MEFV: variants seen among roughly 807,000 people sequenced by gnomAD.
MEFV encodes MEFV innate immunity regulator, pyrin.
Under a neutral mutation model 62.5 loss-of-function variants are expected in MEFV, and 60 were observed. That is an observed-to-expected ratio of 0.96 (90% CI 0.78 to 1.19). The LOEUF is 1.19. MEFV is among the 50% of genes most tolerant of loss of function. The pLI is 0.00. For missense variants in MEFV, 1,169 were observed against 1,004.5 expected, an observed-to-expected ratio of 1.16 and a Z score of -2.21; for synonymous variants, 500 against 415.2, an observed-to-expected ratio of 1.20 and a Z score of -2.48.
intron 2 of MEFV, 75 bp from the exon 3 acceptor site, chr16:3,249,855 C>G (rs888325750): frequency 6.7e-6 from 8 of 1,196,686 alleles, no homozygotes; most frequent in Admixed American, 5.8e-5. Context: ...CAAAGCACAG[C>G]GGACACAGCC....
In MEFV at chr16:3,243,338, G is replaced by T. The variant is rs104895192; in HGVS notation, c.2149C>A (p.Arg717Ser). ...CTGTAGTCCACGAAGATGCCCACAC[G>T]CTTGGGAGGCTCCTTTATTAGCAGG... ...TRLLIKEPPK[R>S]VGIFVDYRVG... The change falls in exon 10 of 10, where the codon CGT (arginine) becomes AGT (serine). Residue 717 changes from arginine (R) to serine (S), a missense_variant. Coordinates refer to ENST00000219596, the MANE Select transcript of MEFV (RefSeq NM_000243.3). The T allele has an allele frequency of 4.3e-6, 7 of 1,614,064 alleles. No homozygotes were observed. Among genetic ancestry groups the T allele is most frequent in the South Asian group, 1.1e-5 (1 of 91,094 alleles).
rs61732424 is a variant in MEFV, at chr16:3,247,136, C to T, written c.1467G>A (p.Gln489=). Residue 489 remains glutamine (Q), a synonymous_variant, in exon 5 of 10, where the codon CAG becomes CAA. Coordinates refer to ENST00000219596, the MANE Select transcript of MEFV (RefSeq NM_000243.3). The stretch of plus-strand genomic sequence containing the variant: ...ATGCCTTCCTGATCTGCCCAACCAT[C>T]TGGCCCACGTCCTCCAGTGAGGCCA... ...FFVASLEDVG[Q]MVGQIRKAYD... is the part of the protein sequence containing the mutation. 5,935 of 1,614,236 alleles carry T rather than the reference C, an allele frequency of 3.7e-3. 17 individuals carry two copies. The highest frequency in any genetic ancestry group is 4.1e-3 in the Non-Finnish European group (4,800 of 1,180,030).
At position 3,243,845 on chromosome 16, in the gene MEFV, G is replaced by T. The variant is rs372198293; in HGVS notation, c.1792+15C>A. On this transcript the variant is annotated intron_variant, in intron 9 of 9. Coordinates refer to ENST00000219596, the MANE Select transcript of MEFV (RefSeq NM_000243.3). ...CCAGCAGGCCAGGGCCACTTGCCTT[G>T]ATCTGGGCACTTACCAGCATGTGCC... 2.5e-6 allele frequency: 4 copies of T among 1,613,526 alleles called. No individual in the cohort carries two copies. In the African/African-American group the frequency reaches 5.3e-5, roughly 22 times the overall value.
Position 3,243,364 on chromosome 16 carries a change from C to T in MEFV, c.2123G>A (p.Arg708His), listed in dbSNP as rs200375017. ...CTTGGGAGGCTCCTTTATTAGCAGG[C>T]GGGTCGGGGGAACGCTGGACGCCTG... ...EYQASSVPPTRLLIKEPPKRV... is the reference protein window; with the variant it reads ...EYQASSVPPTHLLIKEPPKRV... The change falls in exon 10 of 10, where the codon CGC becomes CAC. Residue 708 changes from arginine (R) to histidine (H), a missense_variant. Physicochemically the swap from Arg to His is conservative, Grantham distance 29. Transcript: ENST00000219596. The T allele has an allele frequency of 2.5e-5, 40 of 1,614,136 alleles. No homozygotes were observed. Among genetic ancestry groups the T allele is most frequent in the East Asian group, 4.5e-5 (2 of 44,878 alleles).
chr16:3,256,522 C>G lies in MEFV; in HGVS notation c.66G>C (p.Glu22Asp). 1 of 1,614,214 alleles carries G rather than the reference C, an allele frequency of 6.2e-7. No individual in the cohort carries two copies. The highest frequency in any genetic ancestry group is 1.3e-5 in the African/African-American group (1 of 75,054). ...TGTTCTGCAGCTTGAACTTGAACTT[C>G]TCGAAGTCATAGGGCACCAGCTCCT... ...TLEELVPYDFEKFKFKLQNTS... is the reference protein window; with the variant it reads ...TLEELVPYDFDKFKFKLQNTS... The change falls in exon 1 of 10, where the codon GAG becomes GAC. Residue 22 changes from glutamate (E) to aspartate (D), a missense_variant. Coordinates refer to ENST00000219596, the MANE Select transcript of MEFV (RefSeq NM_000243.3).
intron 2 of MEFV, among the ~76,000 whole-genome samples, chr16:3,252,355 C>A (rs941750740): frequency 2.6e-5 from 4 of 151,088 alleles, no homozygotes; most frequent in Non-Finnish European, 5.9e-5. Flanking sequence ...CTCACTGCAA[C>A]CTCTGCCTCC....
intron 6 of MEFV, among the ~76,000 whole-genome samples, chr16:3,244,942 C>T (rs1481545880): frequency 7.2e-5 from 11 of 152,094 alleles, no homozygotes; most frequent in Admixed American, 5.2e-4. Context: ...ACACACACAA[C>T]AAAATATCCC....
rs775755423 is a variant in MEFV, at chr16:3,254,504, G to A, written c.564C>T (p.Pro188=). The change falls in exon 2 of 10, where the codon CCC becomes CCT. Residue 188 remains proline (P), a synonymous_variant. Coordinates refer to ENST00000219596, the MANE Select transcript of MEFV (RefSeq NM_000243.3). ...RSPALPGGRS[P]GPCRALEGGQ... is the part of the protein sequence containing the mutation. ...CCCCCTCTAGCGCCCTGCAGGGGCC[G>A]GGGCTTCTCCCGCCCGGCAGGGCCG... is the stretch of plus-strand genomic sequence containing the variant. The A allele has an allele frequency of 7.6e-5, 119 of 1,569,408 alleles. No individual in the cohort carries two copies. In the South Asian group the frequency reaches 1.0e-3, roughly 13 times the overall value.
intron 6 of MEFV, among the ~76,000 whole-genome samples, 172 bp from the exon 7 acceptor site, chr16:3,244,760 CCA>C (rs1958914088): frequency 6.6e-6 from 1 of 152,168 alleles, no homozygotes; most frequent in South Asian, 2.1e-4. Context: ...TCAACTTTGG[CCA>C]CAGACTGTCA....
At position 3,254,392 on chromosome 16, in the gene MEFV, A is replaced by G; in HGVS notation, c.676T>C (p.Cys226Arg). Residue 226 changes from cysteine to arginine, a missense_variant, in exon 2 of 10, where the codon TGC becomes CGC. Cys to Arg is a radical substitution (Grantham distance 180, BLOSUM62 -3). Coordinates refer to ENST00000219596, the MANE Select transcript of MEFV (RefSeq NM_000243.3). ...GGCAGGTACACTTCGAAGGGCCTGC[A>G]CTCCTTCTGCCCCGGGGCGCCCCCC... ...LAGGAPGQKE[C>R]RPFEVYLPSG... 1.2e-6 allele frequency: 2 copies of G among 1,613,518 alleles called. No individual in the cohort carries two copies. The highest frequency in any genetic ancestry group is 1.7e-6 in the Non-Finnish European group (2 of 1,179,910).
chr16:3,250,618 A>G (rs1959017188), intron 2 of MEFV, among the ~76,000 whole-genome samples: 1 of 151,828 alleles, frequency 6.6e-6, no homozygotes, highest in Non-Finnish European at 1.5e-5. Context: ...GAAGGGGGGC[A>G]TTATAGGGCT....
chr16:3,248,780 C>T, intron 4 of MEFV, 129 bp downstream of exon 4: 2 of 1,587,490 alleles, frequency 1.3e-6, no homozygotes, highest in Non-Finnish European at 1.7e-6. Flanking sequence ...GCTGGTTACC[C>T]TCTGTCCCCT....
chr16:3,248,541 G>C, intron 4 of MEFV: 1 of 317,576 alleles, frequency 3.1e-6, no homozygotes, highest in South Asian at 3.0e-5. Context: ...AGTGAGCCAA[G>C]ATCACACCAC....
At chr16:3,256,198 C>T in intron 1 of MEFV, 113 bp downstream of exon 1, 1 of 1,293,972 alleles carries the variant, frequency 7.7e-7, no homozygotes, top group South Asian at 1.3e-5. Flanking sequence ...TTTTGGTAGA[C>T]CTGAGACTCC....
intron 7 of MEFV, 85 bp from the exon 8 acceptor site, chr16:3,244,371 A>C: frequency 6.2e-7 from 1 of 1,607,380 alleles, no homozygotes; most frequent in Non-Finnish European, 8.5e-7. Flanking sequence ...AAGGCAGGTC[A>C]GCAAGACCAG....
chr16:3,254,528 CG>C lies in MEFV; in HGVS notation c.539del (p.Pro180ArgfsTer15). ...CGGGGCTTCTCCCGCCCGGCAGGGC[CG>C]GGCTCCGGGTCCGAGGCTTGCCCTG... ...DAQGKPRTRS[P>X]ALPGGRSPGP... On this transcript the variant is annotated frameshift_variant, in exon 2 of 10. Transcript: ENST00000219596. LOFTEE classifies it high-confidence loss of function. 1 of 1,554,742 alleles carries C rather than the reference CG, an allele frequency of 6.4e-7. No homozygotes were observed. The highest frequency in any genetic ancestry group is 8.7e-7 in the Non-Finnish European group (1 of 1,153,704).
chr16:3,253,824 T>C (rs78309164), intron 2 of MEFV, among the ~76,000 whole-genome samples: 2,249 of 152,178 alleles, frequency 0.015, 60 homozygotes, highest in African/African-American at 0.051. Context: ...GTGCCACTAT[T>C]GTATTTTGTA....
rs1186367001 is a variant in MEFV at position 3,246,543 on chromosome 16, A to G, written c.1592T>C (p.Ile531Thr). 2 of 1,613,984 alleles carry G rather than the reference A, an allele frequency of 1.2e-6. No individual in the cohort carries two copies. Among genetic ancestry groups the G allele is most frequent in the African/African-American group, 2.7e-5 (2 of 74,898 alleles). The change falls in exon 6 of 10, where the codon ATT (isoleucine) becomes ACT (threonine). Residue 531 changes from isoleucine (I) to threonine (T), a missense_variant. By Grantham distance (89) the Ile-to-Thr change is moderately conservative. Transcript: ENST00000219596. Reference protein sequence around the residue: ...CQSEWELLQDIGDILHRAKTV... With the variant: ...CQSEWELLQDTGDILHRAKTV... Reference sequence around the variant, plus strand: ...GCTGTACCTGTGCAAGATGTCTCCAATGTCCTAGGAGAAAAAAGAAGGAAA... The same window carrying G: ...GCTGTACCTGTGCAAGATGTCTCCAGTGTCCTAGGAGAAAAAAGAAGGAAA...
chr16:3,252,300 T>A (rs1418320912), intron 2 of MEFV, among the ~76,000 whole-genome samples: 1 of 146,574 alleles, frequency 6.8e-6, no homozygotes, highest in East Asian at 2.0e-4. Flanking sequence ...TGAGACAGAG[T>A]TTTGCTCTTG....
Sources: gnomAD v4.1 joint callset for allele counts (sites outside exome capture counted in the v4.1 genomes callset) on GRCh38, gnomAD v4.1.1 for gene constraint, MANE v1.5 for transcripts, NCBI Gene and HGNC (gene_info 2026-07-23, HGNC 2026-07-21) for gene names.